The following UST variants were observed in gnomAD, a reference collection of about 807,000 sequenced individuals.
UST encodes the protein chondroitin sulfate 2-O-sulfotransferase.
In UST, 21 loss-of-function variants were observed where a neutral mutation model predicts 45.6. The ratio of observed to expected loss-of-function variants is 0.46; its 90% CI spans 0.33 to 0.66. The LOEUF (loss-of-function observed/expected upper bound fraction) is 0.66. Among genes scored for constraint, UST ranks in the 30% least tolerant of loss-of-function variants. The pLI is 0.02. For missense variants in UST, 463 were observed against 512.4 expected (o/e 0.90, Z 0.93); for synonymous variants, 215 against 200.6 (o/e 1.07, Z -0.61).
rs1779977170 is a variant in UST at position 148,934,245 on chromosome 6, T to C, written c.292-7034T>C. 6.6e-6 allele frequency among the ~76,000 whole-genome samples: 1 copy of C among 152,188 alleles called. No individual in the cohort carries two copies. The highest frequency in any genetic ancestry group is 2.1e-4 in the South Asian group (1 of 4,828). ...AGTGGATTTAAACTGCTCACAGTCC[T>C]ATGGACAGTGAGGAACAGAATTGTC... On this transcript the variant is annotated intron_variant, in intron 2 of 7. Coordinates refer to ENST00000367463, the MANE Select transcript of UST (RefSeq NM_005715.3). The surrounding 1 kb of genome is among the most constrained non-coding windows in gnomAD (Gnocchi z 4.1).
intron 7 of UST, among the ~76,000 whole-genome samples, chr6:149,060,359 C>T (rs1245426150): frequency 6.6e-6 from 1 of 152,174 alleles, no homozygotes; most frequent in Non-Finnish European, 1.5e-5. Flanking sequence ...AACATGCCAT[C>T]GATCATATCT....
intron 1 of UST, among the ~76,000 whole-genome samples, chr6:148,833,834 A>G (rs542968870): frequency 6.6e-6 from 1 of 152,348 alleles, no homozygotes; most frequent in South Asian, 2.1e-4. Flanking sequence ...CATTTCATCA[A>G]AAAGGTTAAA....
At chr6:148,902,570 A>T (rs1779281527) in intron 2 of UST, among the ~76,000 whole-genome samples, 2 of 151,744 alleles carry the variant, frequency 1.3e-5, no homozygotes, top group Non-Finnish European at 2.9e-5. Flanking sequence ...ATGAATTTTG[A>T]GTCTCACGTT....
intron 1 of UST, among the ~76,000 whole-genome samples, chr6:148,752,415 A>G (rs945114042): frequency 1.3e-5 from 2 of 152,250 alleles, no homozygotes. Context: ...ATTCTTGTTC[A>G]TAGCTACAAG....
chr6:148,918,838 A>G (rs1779642768), intron 2 of UST, among the ~76,000 whole-genome samples: 1 of 152,008 alleles, frequency 6.6e-6, no homozygotes, highest in African/African-American at 2.4e-5. Flanking sequence ...TTTTAGTTCT[A>G]TTTTTAATTT....
chr6:148,912,174 G>T (rs771101351), intron 2 of UST, among the ~76,000 whole-genome samples: 1 of 152,212 alleles, frequency 6.6e-6, no homozygotes, highest in Non-Finnish European at 1.5e-5. Flanking sequence ...TCCAGCCTGG[G>T]TGACACAGCG....
intron 1 of UST, among the ~76,000 whole-genome samples, chr6:148,839,122 G>A (rs1777844831): frequency 6.6e-6 from 1 of 152,088 alleles, no homozygotes; most frequent in South Asian, 2.1e-4. Context: ...CAAAGTTTAT[G>A]GGAGGCCATT....
intron 5 of UST, among the ~76,000 whole-genome samples, chr6:148,973,337 A>T (rs747944): frequency 0.33 from 49,891 of 152,092 alleles, 8,204 homozygotes; most frequent in Admixed American, 0.4. Flanking sequence ...CACTTTGATG[A>T]ATAAAATATT....
chr6:148,768,478 AT>A (rs1322930606), intron 1 of UST, among the ~76,000 whole-genome samples: 1 of 152,018 alleles, frequency 6.6e-6, no homozygotes, highest in Non-Finnish European at 1.5e-5. Flanking sequence ...CATTAATTAC[AT>A]TTTCCCATTT....
intron 1 of UST, among the ~76,000 whole-genome samples, chr6:148,851,817 G>A (rs1463728770): frequency 6.6e-6 from 1 of 152,212 alleles, no homozygotes; most frequent in Non-Finnish European, 1.5e-5. Context: ...AAAGCCGAGG[G>A]GAGCCCTCCA....
At chr6:148,977,213 A>G (rs1249053728) in intron 5 of UST, among the ~76,000 whole-genome samples, 1 of 151,760 alleles carries the variant, frequency 6.6e-6, no homozygotes, top group Non-Finnish European at 1.5e-5. Context: ...ATTAATGTGT[A>G]TCTTTATATA....
intron 1 of UST, among the ~76,000 whole-genome samples, chr6:148,843,540 A>G (rs1777926340): frequency 6.6e-6 from 1 of 152,214 alleles, no homozygotes; most frequent in South Asian, 2.1e-4. Flanking sequence ...TAGAAAATAC[A>G]CAAGTTGTCT....
chr6:148,773,950 C>T (rs1050812583), intron 1 of UST, among the ~76,000 whole-genome samples: 1 of 152,196 alleles, frequency 6.6e-6, no homozygotes, highest in South Asian at 2.1e-4. Context: ...TTCCCACCAG[C>T]TTCCCTCTGT....
intron 3 of UST, among the ~76,000 whole-genome samples, chr6:148,946,931 C>T (rs1444778262): frequency 3.4e-5 from 5 of 144,972 alleles, no homozygotes; most frequent in African/African-American, 7.7e-5. Flanking sequence ...TATTAATGTG[C>T]GTATTAAACC....
intron 1 of UST, among the ~76,000 whole-genome samples, chr6:148,767,512 C>T (rs1264198982): frequency 1.3e-5 from 2 of 152,052 alleles, no homozygotes; most frequent in African/African-American, 2.4e-5. Flanking sequence ...GATTCGGTAC[C>T]GTTTTACCGT....
intron 3 of UST, among the ~76,000 whole-genome samples, chr6:148,952,577 G>A (rs1217322904): frequency 2.0e-5 from 3 of 152,100 alleles, no homozygotes; most frequent in South Asian, 2.1e-4. Flanking sequence ...AATATTTATC[G>A]AGCACTTATA....
chr6:149,002,567 C>T (rs1479108504), intron 5 of UST, among the ~76,000 whole-genome samples: 3 of 152,156 alleles, frequency 2.0e-5, no homozygotes, highest in Admixed American at 1.3e-4. Context: ...AGTGCAGTGG[C>T]GCAATCTCAG....
At chr6:149,038,055 ACT>A (rs1474722836) in intron 7 of UST, among the ~76,000 whole-genome samples, 1 of 151,814 alleles carries the variant, frequency 6.6e-6, no homozygotes, top group East Asian at 1.9e-4. Context: ...AGAGAGAGAA[ACT>A]CTGTCTTCCT....
intron 7 of UST, among the ~76,000 whole-genome samples, chr6:149,059,276 A>G (rs903126807): frequency 6.6e-6 from 1 of 152,198 alleles, no homozygotes; most frequent in East Asian, 1.9e-4. Context: ...TCCCACATCA[A>G]CAGAAGCTGG....
Sources: gnomAD v4.1 joint callset for allele counts (sites outside exome capture counted in the v4.1 genomes callset) on GRCh38, gnomAD v4.1.1 for gene constraint, Gnocchi (gnomAD v3.1) non-coding constraint, MANE v1.5 for transcripts, NCBI Gene and HGNC (gene_info 2026-07-23, HGNC 2026-07-21) for gene names.